The following SRGAP3 variants were observed in gnomAD, a reference collection of about 807,000 sequenced individuals.
SRGAP3 encodes the protein SLIT-ROBO Rho GTPase-activating protein 3.
Under a neutral mutation model 121.1 loss-of-function variants are expected in SRGAP3, and 39 were observed. The ratio of observed to expected loss-of-function variants is 0.32; its 90% CI spans 0.25 to 0.42. SRGAP3 has a LOEUF of 0.42. SRGAP3 is among the 10% of genes least tolerant of loss of function. SRGAP3 has a pLI of 1.00. For synonymous variants in SRGAP3, 601 were observed against 570.0 expected, an observed-to-expected ratio of 1.05 and a Z score of -0.77; for missense variants, 1,213 against 1,470.6, an observed-to-expected ratio of 0.82 and a Z score of 2.86.
intron 3 of SRGAP3, among the ~76,000 whole-genome samples, chr3:9,258,146 T>G (rs9861610): frequency 0.14 from 20,893 of 152,128 alleles, 1,587 homozygotes; most frequent in African/African-American, 0.19. Context: ...AATTCAACAT[T>G]ATGGAGAAGC....
At chr3:9,142,572 C>A (rs568739750) in intron 1 of SRGAP3, among the ~76,000 whole-genome samples, 3 of 152,166 alleles carry the variant, frequency 2.0e-5, no homozygotes, top group Non-Finnish European at 4.4e-5. Flanking sequence ...AGGAAAAACA[C>A]CTCATGTTTA....
At chr3:9,051,171 T>C (rs564138005) in intron 9 of SRGAP3, among the ~76,000 whole-genome samples, 3 of 152,056 alleles carry the variant, frequency 2.0e-5, no homozygotes, top group South Asian at 2.1e-4. Context: ...GGACCATAGA[T>C]ATGCACTTGT....
intron 20 of SRGAP3, among the ~76,000 whole-genome samples, chr3:8,991,102 C>A (rs1475763643): frequency 6.6e-6 from 1 of 152,182 alleles, no homozygotes; most frequent in Non-Finnish European, 1.5e-5. Flanking sequence ...TGCCGCCAAC[C>A]GCAAAATGCA....
At chr3:9,233,136 G>A (rs1398448423) in intron 1 of SRGAP3, among the ~76,000 whole-genome samples, 1 of 152,122 alleles carries the variant, frequency 6.6e-6, no homozygotes, top group African/African-American at 2.4e-5. Context: ...GCACTGTGCT[G>A]GAAATTCTGA....
rs1574838780 is a variant in SRGAP3 at position 8,981,475 on chromosome 3, G to A, written c.*4044C>T. 1 of 232,524 alleles carries A rather than the reference G, an allele frequency of 4.3e-6. No homozygotes were observed. Among genetic ancestry groups the A allele is most frequent in the Admixed American group, 5.6e-5 (1 of 17,774 alleles). The allele number at this position is 232,524 out of a possible 1,614,324, so 14.4% of individuals were successfully genotyped here. ...GTGAAAAGTTAGGAATAGAAAGACTGAGAGGAAGAACCATTACCCGAGTCC... is the reference window on the plus strand; with the variant it reads ...GTGAAAAGTTAGGAATAGAAAGACTAAGAGGAAGAACCATTACCCGAGTCC... On this transcript the variant is annotated 3_prime_UTR_variant, in exon 22 of 22. Transcript: ENST00000383836.
At chr3:9,308,483 C>A (rs17050220) in intron 3 of SRGAP3, among the ~76,000 whole-genome samples, 41,460 of 152,076 alleles carry the variant, frequency 0.27, 8,957 homozygotes, top group African/African-American at 0.6. Context: ...CCTGCCAGAT[C>A]TTTTTATGAG....
At chr3:9,051,031 T>A (rs888550317) in intron 9 of SRGAP3, among the ~76,000 whole-genome samples, 15 of 138,448 alleles carry the variant, frequency 1.1e-4, no homozygotes, top group African/African-American at 3.7e-4. Context: ...TTTTTTTTTT[T>A]TTTTTTTTTT....
intron 1 of SRGAP3, among the ~76,000 whole-genome samples, chr3:9,159,260 T>C (rs2664109): frequency 0.3 from 44,923 of 151,958 alleles, 7,741 homozygotes; most frequent in Non-Finnish European, 0.4. Context: ...CTTGTCAGTC[T>C]GTGTAGATCC....
At chr3:9,209,813 G>A (rs1325559195) in intron 1 of SRGAP3, among the ~76,000 whole-genome samples, 3 of 152,150 alleles carry the variant, frequency 2.0e-5, no homozygotes, top group African/African-American at 7.2e-5. Flanking sequence ...AAAGAATGAA[G>A]CCTATGTACA....
At chr3:9,277,860 T>C (rs769800887) in intron 3 of SRGAP3, among the ~76,000 whole-genome samples, 1 of 152,078 alleles carries the variant, frequency 6.6e-6, no homozygotes, top group Non-Finnish European at 1.5e-5. Context: ...CCTAATAAGA[T>C]GATAGTATTA....
At chr3:9,340,498 C>T (rs545009493) in intron 1 of SRGAP3, among the ~76,000 whole-genome samples, 1 of 152,266 alleles carries the variant, frequency 6.6e-6, no homozygotes, top group Admixed American at 6.5e-5. Context: ...GCTTTATAAA[C>T]CCCAGTAATT....
intron 3 of SRGAP3, among the ~76,000 whole-genome samples, chr3:9,080,925 T>C (rs1947215186): frequency 6.6e-6 from 1 of 152,202 alleles, no homozygotes; most frequent in African/African-American, 2.4e-5. Context: ...TTTCATTATA[T>C]ATTACAATGC....
At chr3:9,241,479 G>A (rs753659941) in intron 1 of SRGAP3, among the ~76,000 whole-genome samples, 8 of 152,118 alleles carry the variant, frequency 5.3e-5, no homozygotes, top group African/African-American at 1.2e-4. Flanking sequence ...CCACTGAGAC[G>A]GCTGTCAACA....
chr3:9,027,301 C>T (rs775967741), intron 12 of SRGAP3, among the ~76,000 whole-genome samples: 4 of 152,114 alleles, frequency 2.6e-5, no homozygotes, highest in Admixed American at 6.5e-5. Context: ...GGAACCACCT[C>T]GGGGGGGTGC....
intron 9 of SRGAP3, among the ~76,000 whole-genome samples, chr3:9,048,022 G>A (rs994953162): frequency 6.6e-6 from 1 of 152,224 alleles, no homozygotes; most frequent in African/African-American, 2.4e-5. Flanking sequence ...TGCAGGGGGT[G>A]ATAAGATTTT....
intron 1 of SRGAP3, among the ~76,000 whole-genome samples, chr3:9,181,119 A>T (rs1951383509): frequency 6.6e-6 from 1 of 152,232 alleles, no homozygotes; most frequent in African/African-American, 2.4e-5. Flanking sequence ...TTGTAAAATA[A>T]GAAGCATAAT....
At chr3:9,144,297 C>G (rs1377138587) in intron 1 of SRGAP3, among the ~76,000 whole-genome samples, 1 of 152,210 alleles carries the variant, frequency 6.6e-6, no homozygotes, top group Non-Finnish European at 1.5e-5. Flanking sequence ...CCATCTTGTC[C>G]CATTTGCTCT....
upstream of SRGAP3, among the ~76,000 whole-genome samples, chr3:9,250,815 A>G (rs1953995513): frequency 6.6e-6 from 1 of 152,206 alleles, no homozygotes; most frequent in Non-Finnish European, 1.5e-5. Context: ...CCTGCATTCT[A>G]CAAGGGAGAC....
intron 10 of SRGAP3, among the ~76,000 whole-genome samples, chr3:9,041,243 C>G (rs1335852060): frequency 2.0e-5 from 3 of 152,208 alleles, no homozygotes; most frequent in Admixed American, 1.3e-4. Flanking sequence ...TGCCTAACTT[C>G]AAGTCTAAGT....
Sources: allele counts gnomAD v4.1 joint callset (sites outside exome capture counted in the v4.1 genomes callset), GRCh38; gene constraint gnomAD v4.1.1; transcripts MANE v1.5; gene names NCBI Gene and HGNC (gene_info 2026-07-23, HGNC 2026-07-21).